CDKN3: variants seen among roughly 807,000 people sequenced by gnomAD.
CDKN3 encodes cyclin-dependent kinase inhibitor 3.
A neutral mutation model predicts 36.1 loss-of-function variants in CDKN3; 19 were observed. That is an observed-to-expected ratio of 0.53 (90% confidence interval 0.37 to 0.77). The LOEUF (loss-of-function observed/expected upper bound fraction) is 0.77. CDKN3 is among the 30% of genes least tolerant of loss of function. The pLI is 0.00. For synonymous variants in CDKN3, 71 were observed against 85.3 expected (o/e 0.83, Z 0.92); for missense variants, 188 against 248.6 (o/e 0.76, Z 1.64).
At position 54,401,542 on chromosome 14, in the gene CDKN3, G is replaced by A. The variant is rs1284975365; in HGVS notation, c.111G>A (p.Val37=). 3.1e-6 allele frequency: 5 copies of A among 1,610,444 alleles called. No individual in the cohort carries two copies. Among genetic ancestry groups the A allele is most frequent in the Non-Finnish European group, 4.2e-6 (5 of 1,178,076 alleles). ...TTTTCAGGCTATCTTTGTCACGAGT[G>A]AATTGTTCTCAGTTTCTCGGTTTAT... ...IHISWLSLSR[V]NCSQFLGLCA... Residue 37 remains valine (V), a synonymous_variant, in exon 3 of 8, where the codon GTG becomes GTA. Coordinates refer to ENST00000335183, the MANE Select transcript of CDKN3 (RefSeq NM_005192.4).
At chr14:54,403,704 G>T (rs1284079733) in intron 3 of CDKN3, among the ~76,000 whole-genome samples, 1 of 152,138 alleles carries the variant, frequency 6.6e-6, no homozygotes, top group African/African-American at 2.4e-5. Context: ...ATTATTTTCA[G>T]ATACGTTCCA....
chr14:54,411,458 G>T (rs2030348816), intron 4 of CDKN3, 26 bp from the exon 5 acceptor site: 1 of 1,544,052 alleles, frequency 6.5e-7, no homozygotes, highest in Non-Finnish European at 8.9e-7. Context: ...ATGTGTGTGT[G>T]TCTGTGTATC....
At chr14:54,405,830 C>A (rs969845251) in intron 3 of CDKN3, among the ~76,000 whole-genome samples, 1 of 152,144 alleles carries the variant, frequency 6.6e-6, no homozygotes, top group African/African-American at 2.4e-5. Context: ...GCATTTAGCC[C>A]ATTTACATTT....
intron 5 of CDKN3, chr14:54,413,649 A>G (rs1362609721): frequency 6.5e-7 from 1 of 1,535,254 alleles, no homozygotes; most frequent in Non-Finnish European, 8.7e-7. Flanking sequence ...TTTTCTATCC[A>G]TTCTGCCATC....
At chr14:54,412,252 G>C (rs2030384426) in intron 5 of CDKN3, among the ~76,000 whole-genome samples, 1 of 152,080 alleles carries the variant, frequency 6.6e-6, no homozygotes, top group African/African-American at 2.4e-5. Context: ...AGGCATGGTG[G>C]TACGTGCCTG....
chr14:54,413,496 G>C, intron 5 of CDKN3: 1 of 776,416 alleles, frequency 1.3e-6, no homozygotes, highest in Non-Finnish European at 2.1e-6. Context: ...TCTGATGTTT[G>C]TGCAGAGTAC....
rs4251668 is a variant in CDKN3 at position 54,418,354 on chromosome 14, T to C, written c.552+403T>C. ...GGCCAAAAAAAATCTATGGAAGATC[T>C]TGTTATATCACCAAAACATTTAATA... is the stretch of plus-strand genomic sequence containing the variant. On this transcript the variant is annotated intron_variant, in intron 7 of 7. Coordinates refer to ENST00000335183, the MANE Select transcript of CDKN3 (RefSeq NM_005192.4). The C allele has an allele frequency of 7.9e-3, 5,395 of 681,044 alleles. 212 individuals are homozygous for C. The African/African-American group carries it at 0.081, about 10-fold the overall frequency. 42.2% of individuals were successfully genotyped at this position (681,044 alleles called of 1,614,324 possible).
chr14:54,420,056 A>T lies in CDKN3; in HGVS notation c.617A>T (p.Gln206Leu), dbSNP rs752247489. 1 of 1,601,320 alleles carries T rather than the reference A, an allele frequency of 6.2e-7. No homozygotes were observed. Among genetic ancestry groups the T allele is most frequent in the Non-Finnish European group, 8.6e-7 (1 of 1,168,604 alleles). ...LAAHLSSRDS[Q>L]SRSVSR ...GCACATCTATCATCAAGAGATTCAC[A>T]ATCAAGATCTGTATCAAGATAAAGG... The change falls in exon 8 of 8, where the codon CAA becomes CTA. Residue 206 changes from glutamine (Q) to leucine (L), a missense_variant. Coordinates refer to ENST00000335183, the MANE Select transcript of CDKN3 (RefSeq NM_005192.4).
At chr14:54,415,008 A>G (rs1309554960) in intron 5 of CDKN3, among the ~76,000 whole-genome samples, 1 of 152,164 alleles carries the variant, frequency 6.6e-6, no homozygotes, top group Non-Finnish European at 1.5e-5. Flanking sequence ...CCTACAATAC[A>G]ATACAATACA....
chr14:54,400,273 A>C (rs1250446648), intron 2 of CDKN3, among the ~76,000 whole-genome samples: 1 of 148,150 alleles, frequency 6.7e-6, no homozygotes, highest in Non-Finnish European at 1.5e-5. Context: ...CCTTCTACTA[A>C]CTTAGTAGAA....
chr14:54,415,854 G>C (rs1366220181), intron 5 of CDKN3, 45 bp from the exon 6 acceptor site: 1 of 1,451,632 alleles, frequency 6.9e-7, no homozygotes, highest in African/African-American at 1.4e-5. Context: ...TGTAACTAGG[G>C]ATGGAATGAA....
chr14:54,414,486 A>T (rs1172886385), intron 5 of CDKN3, among the ~76,000 whole-genome samples: 2 of 152,164 alleles, frequency 1.3e-5, no homozygotes, highest in African/African-American at 4.8e-5. Flanking sequence ...TGAAAATAGC[A>T]AAAGGTATAA....
chr14:54,409,309 T>A (rs1438103956), intron 4 of CDKN3, among the ~76,000 whole-genome samples: 2 of 152,166 alleles, frequency 1.3e-5, no homozygotes, highest in Non-Finnish European at 2.9e-5. Flanking sequence ...ATCCTCATAA[T>A]CTGCCCCAAT....
At chr14:54,413,634 G>C in intron 5 of CDKN3, 1 of 1,535,332 alleles carries the variant, frequency 6.5e-7, no homozygotes, top group Non-Finnish European at 8.7e-7. Flanking sequence ...ACGGTGACTA[G>C]TTTATTTTCT....
At chr14:54,418,582 G>T (rs1468051533) in intron 7 of CDKN3, among the ~76,000 whole-genome samples, 1 of 152,176 alleles carries the variant, frequency 6.6e-6, no homozygotes, top group African/African-American at 2.4e-5. Context: ...TAAAGCTAAT[G>T]TGCCTTCTTT....
chr14:54,406,786 T>C (rs1008111218), intron 3 of CDKN3, among the ~76,000 whole-genome samples: 1 of 152,082 alleles, frequency 6.6e-6, no homozygotes. Flanking sequence ...GGTTAGAACA[T>C]GCTCCTTTAA....
At chr14:54,419,014 C>T (rs1197656445) in intron 7 of CDKN3, among the ~76,000 whole-genome samples, 3 of 152,002 alleles carry the variant, frequency 2.0e-5, no homozygotes, top group Non-Finnish European at 4.4e-5. Context: ...CAAAAATTAG[C>T]CAGGGTGGTT....
rs1351977234 is a variant in CDKN3 at position 54,420,159 on chromosome 14, T to G, written c.*81T>G. 1 of 748,870 alleles carries G rather than the reference T, an allele frequency of 1.3e-6. No homozygotes were observed. Among genetic ancestry groups the G allele is most frequent in the African/African-American group, 1.8e-5 (1 of 56,422 alleles). 46.4% of individuals were successfully genotyped at this position (748,870 alleles called of 1,614,324 possible). On this transcript the variant is annotated 3_prime_UTR_variant, in exon 8 of 8. Transcript: ENST00000335183. ...ATTTGTATTGAAATGAAACCACCAG[T>G]GTTATCAACTTGAATGTAAATGTAC...
At chr14:54,411,414 C>T in intron 4 of CDKN3, 70 bp from the exon 5 acceptor site, 7 of 1,166,350 alleles carry the variant, frequency 6.0e-6, no homozygotes, top group Non-Finnish European at 7.4e-6. Context: ...TCATATTCTC[C>T]CTCTTGATGG....
Sources: gnomAD v4.1 joint callset for allele counts (sites outside exome capture counted in the v4.1 genomes callset) on GRCh38, gnomAD v4.1.1 for gene constraint, MANE v1.5 for transcripts, NCBI Gene and HGNC (gene_info 2026-07-23, HGNC 2026-07-21) for gene names.